Variants in NRXN3 observed in about 807,000 individuals in gnomAD.
NRXN3 encodes neurexin 3.
Under a neutral mutation model 137.6 loss-of-function variants are expected in NRXN3, and 32 were observed. That is an observed-to-expected ratio of 0.23 (90% confidence interval 0.18 to 0.31). NRXN3 has a LOEUF of 0.31. Ranked by LOEUF, NRXN3 falls within the 10% of genes least tolerant of loss-of-function variation. The pLI, the probability that NRXN3 is intolerant of heterozygous loss-of-function variation, is 1.00. For synonymous variants in NRXN3, 798 were observed against 784.5 expected (o/e 1.02, Z -0.29); for missense variants, 1,574 against 2,062.5 (o/e 0.76, Z 4.59).
chr14:79,442,892 GAA>G (rs1251942034), intron 15 of NRXN3, among the ~76,000 whole-genome samples: 4 of 152,214 alleles, frequency 2.6e-5, no homozygotes, highest in Non-Finnish European at 4.4e-5. Context: ...TAAAATGTCT[GAA>G]TTCCTGTACT....
At chr14:79,082,739 T>C (rs1330521159) in intron 15 of NRXN3, among the ~76,000 whole-genome samples, 2 of 152,180 alleles carry the variant, frequency 1.3e-5, no homozygotes, top group Non-Finnish European at 2.9e-5. Flanking sequence ...TGGAAATCTT[T>C]CTAATGTAGG....
At chr14:78,974,643 G>A (rs1567870717) in intron 14 of NRXN3, among the ~76,000 whole-genome samples, 21 of 152,078 alleles carry the variant, frequency 1.4e-4, no homozygotes, top group Admixed American at 1.4e-3. Flanking sequence ...CTCCATTCTT[G>A]TAATGACTTG....
At chr14:78,692,740 T>C (rs1430823336) in intron 6 of NRXN3, among the ~76,000 whole-genome samples, 1 of 152,232 alleles carries the variant, frequency 6.6e-6, no homozygotes, top group African/African-American at 2.4e-5. Flanking sequence ...GAGATAATTA[T>C]GGCATCTTAT....
chr14:79,775,350 A>C lies in NRXN3; in HGVS notation c.4015-29762A>C, dbSNP rs536642011. On this transcript the variant is annotated intron_variant, in intron 19 of 20. Coordinates refer to ENST00000335750, the MANE Select transcript of NRXN3 (RefSeq NM_001330195.2). ...TCTAGGTATCCTGGAAAACCTCCAC[A>C]TATACACCAAACCCAGAATCAATTC... 5.3e-5 allele frequency among the ~76,000 whole-genome samples: 8 copies of C among 152,250 alleles called. No homozygotes were observed. The East Asian group carries it at 1.5e-3, about 29-fold the overall frequency.
chr14:78,532,277 C>T (rs893962237), intron 4 of NRXN3, among the ~76,000 whole-genome samples: 80 of 150,864 alleles, frequency 5.3e-4, no homozygotes, highest in African/African-American at 1.7e-3. Flanking sequence ...GCCAAGATCG[C>T]GCCATTGCAC....
At chr14:78,624,759 A>G (rs1429874917) in intron 4 of NRXN3, among the ~76,000 whole-genome samples, 2 of 152,102 alleles carry the variant, frequency 1.3e-5, no homozygotes, top group Non-Finnish European at 2.9e-5. Context: ...GCATCTGGCT[A>G]GCTTTGTAAC....
At chr14:79,245,575 C>T (rs182639192) in intron 15 of NRXN3, among the ~76,000 whole-genome samples, 20 of 152,226 alleles carry the variant, frequency 1.3e-4, no homozygotes, top group African/African-American at 3.4e-4. Context: ...TAAATTATCA[C>T]GTCTTAACTA....
Position 79,634,747 on chromosome 14 carries a change from G to T in NRXN3, c.3445-29031G>T, listed in dbSNP as rs145670103. 1.2e-3 allele frequency among the ~76,000 whole-genome samples: 178 copies of T among 152,248 alleles called. 1 individual carries two copies. Among genetic ancestry groups the T allele is most frequent in the African/African-American group, 4.1e-3 (169 of 41,558 alleles). ...CTTTACTGTTTCTGGGCATATCAAA[G>T]CCAAACTTAACAGCACCAATTTCAC... is the stretch of plus-strand genomic sequence containing the variant. On this transcript the variant is annotated intron_variant, in intron 16 of 20. Coordinates refer to ENST00000335750, the MANE Select transcript of NRXN3 (RefSeq NM_001330195.2).
chr14:78,400,605 C>T (rs894181454), intron 4 of NRXN3, among the ~76,000 whole-genome samples: 1 of 152,154 alleles, frequency 6.6e-6, no homozygotes, highest in Non-Finnish European at 1.5e-5. Flanking sequence ...GTTTATTGAG[C>T]ACTTATTCCC....
At chr14:79,214,685 G>A (rs1335369094) in intron 15 of NRXN3, among the ~76,000 whole-genome samples, 3 of 152,096 alleles carry the variant, frequency 2.0e-5, no homozygotes, top group African/African-American at 7.2e-5. Flanking sequence ...TTTCTTCCTA[G>A]TTCTATGAAT....
chr14:78,830,911 T>A (rs1315420957), intron 10 of NRXN3, among the ~76,000 whole-genome samples: 1 of 152,224 alleles, frequency 6.6e-6, no homozygotes, highest in Admixed American at 6.5e-5. Context: ...CAATGGAAGT[T>A]TTACTGAGTA....
intron 20 of NRXN3, among the ~76,000 whole-genome samples, chr14:79,852,069 A>G (rs1354087248): frequency 6.6e-6 from 1 of 152,124 alleles, no homozygotes; most frequent in Non-Finnish European, 1.5e-5. Flanking sequence ...ACTAAGCCCA[A>G]GAACCCTCCC....
At chr14:78,453,858 A>G (rs1298541356) in intron 4 of NRXN3, among the ~76,000 whole-genome samples, 2 of 152,238 alleles carry the variant, frequency 1.3e-5, no homozygotes, top group Non-Finnish European at 1.5e-5. Context: ...GCAAATGACC[A>G]GAAACTAAAA....
At chr14:78,380,487 A>C (rs2088871602) in intron 4 of NRXN3, among the ~76,000 whole-genome samples, 1 of 152,110 alleles carries the variant, frequency 6.6e-6, no homozygotes, top group South Asian at 2.1e-4. Context: ...TACAGGATAC[A>C]CACACACAGG....
At chr14:79,440,835 C>G (rs181015018) in intron 15 of NRXN3, among the ~76,000 whole-genome samples, 58 of 152,074 alleles carry the variant, frequency 3.8e-4, no homozygotes, top group Middle Eastern at 3.4e-3. Flanking sequence ...AAATTAGGCA[C>G]CATCTGGTGT....
chr14:79,486,176 G>C (rs1182110282), intron 16 of NRXN3, among the ~76,000 whole-genome samples: 1 of 152,090 alleles, frequency 6.6e-6, no homozygotes, highest in African/African-American at 2.4e-5. Flanking sequence ...TCTGCATTTT[G>C]TCAATATAGT....
At position 79,028,608 on chromosome 14, in the gene NRXN3, G is replaced by C. The variant is rs148248060; in HGVS notation, c.3262+40467G>C. Among the ~76,000 whole-genome samples the C allele has an allele frequency of 3.7e-4, 56 of 152,298 alleles. 1 individual carries two copies. The highest frequency in any genetic ancestry group is 3.4e-3 in the Middle Eastern group (1 of 294). On this transcript the variant is annotated intron_variant, in intron 15 of 20. Transcript: ENST00000335750. Reference sequence around the variant, plus strand: ...GGTGGCTAATGTACTGTTTACTGCAGTATAAATGACTGGTGTTTGGGAAAT... The same window carrying C: ...GGTGGCTAATGTACTGTTTACTGCACTATAAATGACTGGTGTTTGGGAAAT...
At chr14:79,514,071 T>C (rs11848738) in intron 16 of NRXN3, among the ~76,000 whole-genome samples, 4,162 of 152,222 alleles carry the variant, frequency 0.027, 199 homozygotes, top group African/African-American at 0.095. Flanking sequence ...AAGTGTTTCT[T>C]TCATAGGACT....
At chr14:78,733,555 A>T (rs1595313787) in intron 8 of NRXN3, among the ~76,000 whole-genome samples, 1 of 152,162 alleles carries the variant, frequency 6.6e-6, no homozygotes, top group Non-Finnish European at 1.5e-5. Context: ...TAACAAGGAG[A>T]CTAACTAAAT....
Sources: allele counts gnomAD v4.1 joint callset (sites outside exome capture counted in the v4.1 genomes callset), GRCh38; gene constraint gnomAD v4.1.1; transcripts MANE v1.5; gene names NCBI Gene and HGNC (gene_info 2026-07-23, HGNC 2026-07-21).